The following UTRN variants were observed in gnomAD, a reference collection of about 807,000 sequenced individuals.
UTRN encodes the protein utrophin, also known as dystrophin-related protein 1.
A neutral mutation model predicts 463.9 loss-of-function variants in UTRN; 283 were observed. The ratio of observed to expected loss-of-function variants is 0.61; its 90% CI spans 0.55 to 0.67. The LOEUF is 0.67. UTRN is among the 30% of genes least tolerant of loss of function. The pLI is 0.00. For synonymous variants in UTRN, 1,442 were observed against 1,431.5 expected, an observed-to-expected ratio of 1.01 and a Z score of -0.17; for missense variants, 3,922 against 4,084.3, an observed-to-expected ratio of 0.96 and a Z score of 1.08.
At chr6:144,734,921 CG>C (rs1250797894) in intron 54 of UTRN, among the ~76,000 whole-genome samples, 1 of 152,164 alleles carries the variant, frequency 6.6e-6, no homozygotes, top group African/African-American at 2.4e-5. Context: ...TTGTCCCTTT[CG>C]TTCCACTCCC....
intron 51 of UTRN, 117 bp downstream of exon 51, chr6:144,577,405 T>G (rs1163632853): frequency 9.8e-7 from 1 of 1,021,114 alleles, no homozygotes; most frequent in Non-Finnish European, 1.4e-6. Flanking sequence ...TCTTATGAAA[T>G]CCGTGCTCTC....
At chr6:144,354,692 C>T (rs529733512) in intron 2 of UTRN, among the ~76,000 whole-genome samples, 5 of 152,092 alleles carry the variant, frequency 3.3e-5, no homozygotes, top group South Asian at 2.1e-4. Context: ...CTCCTATGGT[C>T]GGTCAAGGAC....
chr6:144,688,093 C>G (rs532223224), intron 52 of UTRN, among the ~76,000 whole-genome samples: 1 of 152,196 alleles, frequency 6.6e-6, no homozygotes, highest in South Asian at 2.1e-4. Context: ...ATTTGAAAGC[C>G]TTGTCTTTTG....
rs537351763 is a variant in UTRN at position 144,561,997 on chromosome 6, C to T, written c.7289+4686C>T. 5.9e-5 allele frequency among the ~76,000 whole-genome samples: 9 copies of T among 152,170 alleles called. No homozygotes were observed. In the South Asian group the frequency reaches 1.7e-3, roughly 28 times the overall value. On this transcript the variant is annotated intron_variant, in intron 50 of 74. Coordinates refer to ENST00000367545, the MANE Select transcript of UTRN (RefSeq NM_007124.3). ...AATTAATGATAAAATACTTCTTTGT[C>T]TGCTTTTCTGAGTGCAGTATAGATA...
chr6:144,322,942 C>CAA (rs554231419), intron 2 of UTRN, among the ~76,000 whole-genome samples: 70 of 86,528 alleles, frequency 8.1e-4, no homozygotes, highest in South Asian at 5.2e-3. Flanking sequence ...GACTCCGTCT[C>CAA]AAAAAAAAAA....
intron 45 of UTRN, among the ~76,000 whole-genome samples, chr6:144,541,215 A>G (rs1340586248): frequency 6.6e-6 from 1 of 152,226 alleles, no homozygotes; most frequent in African/African-American, 2.4e-5. Context: ...TTTTTGGCTT[A>G]TGAGGCTTCT....
chr6:144,471,103 G>T (rs1231176969), intron 23 of UTRN, among the ~76,000 whole-genome samples: 1 of 144,462 alleles, frequency 6.9e-6, no homozygotes, highest in Non-Finnish European at 1.5e-5. Flanking sequence ...AGAGGGAGAG[G>T]GAGAGGGATC....
intron 51 of UTRN, among the ~76,000 whole-genome samples, chr6:144,611,812 G>T (rs1343331570): frequency 1.3e-5 from 2 of 152,096 alleles, no homozygotes; most frequent in African/African-American, 4.8e-5. Context: ...CACAATCTTT[G>T]TTAAAATTCC....
intron 3 of UTRN, among the ~76,000 whole-genome samples, chr6:144,418,470 G>A (rs980128265): frequency 7.3e-5 from 11 of 151,354 alleles, no homozygotes; most frequent in Non-Finnish European, 1.5e-4. Flanking sequence ...TGGTCCGCCC[G>A]CCTCGGCCTC....
intron 1 of UTRN, among the ~76,000 whole-genome samples, chr6:144,290,527 C>T (rs756115079): frequency 9.9e-5 from 15 of 152,096 alleles, no homozygotes; most frequent in Non-Finnish European, 2.1e-4. Context: ...CATGATGCCC[C>T]ATGATTGGTT....
chr6:144,334,416 C>T (rs1287097176), intron 2 of UTRN, among the ~76,000 whole-genome samples: 1 of 151,066 alleles, frequency 6.6e-6, no homozygotes, highest in Non-Finnish European at 1.5e-5. Context: ...ATTTTAGCGC[C>T]CCCGGGAGTG....
chr6:144,471,815 A>G (rs984715992), intron 23 of UTRN, among the ~76,000 whole-genome samples: 4 of 152,256 alleles, frequency 2.6e-5, no homozygotes, highest in Non-Finnish European at 5.9e-5. Context: ...AACGAGATGC[A>G]GAAGTGCTTA....
chr6:144,635,528 TTCTTTTC>T (rs1413016395), intron 51 of UTRN, among the ~76,000 whole-genome samples: 89 of 75,462 alleles, frequency 1.2e-3, no homozygotes, highest in Non-Finnish European at 1.5e-3. Flanking sequence ...TTTTTTTTTT[TTCTTTTC>T]TTTTTTTTTT....
intron 2 of UTRN, among the ~76,000 whole-genome samples, chr6:144,343,819 G>A (rs767706915): frequency 1.3e-5 from 2 of 152,030 alleles, no homozygotes; most frequent in Non-Finnish European, 2.9e-5. Flanking sequence ...GTATACCCAG[G>A]GCAAACGCCT....
intron 46 of UTRN, among the ~76,000 whole-genome samples, chr6:144,548,009 CCAAT>C (rs1798561069): frequency 6.6e-6 from 1 of 152,048 alleles, no homozygotes. Context: ...TGTATCAAAA[CCAAT>C]CAATTTGGCA....
intron 9 of UTRN, among the ~76,000 whole-genome samples, chr6:144,430,878 T>C (rs1399527897): frequency 6.6e-6 from 1 of 152,134 alleles, no homozygotes; most frequent in Non-Finnish European, 1.5e-5. Flanking sequence ...TTGGGTAATA[T>C]GTACCCATCC....
chr6:144,675,622 C>A (rs1246862876), intron 51 of UTRN, among the ~76,000 whole-genome samples: 1 of 152,140 alleles, frequency 6.6e-6, no homozygotes, highest in African/African-American at 2.4e-5. Context: ...AGAGCACCAG[C>A]TGCAGTAGTA....
At chr6:144,775,234 T>C (rs1482335176) in intron 60 of UTRN, among the ~76,000 whole-genome samples, 3 of 152,164 alleles carry the variant, frequency 2.0e-5, no homozygotes, top group African/African-American at 7.2e-5. Context: ...TGAAAGTCAA[T>C]AGAAGTTAGC....
At chr6:144,756,370 T>A (rs1254243663) in intron 57 of UTRN, among the ~76,000 whole-genome samples, 2 of 152,192 alleles carry the variant, frequency 1.3e-5, no homozygotes, top group South Asian at 4.1e-4. Flanking sequence ...AAGTGAAATA[T>A]TGTGAAATTT....
Sources: gnomAD v4.1 joint callset for allele counts (sites outside exome capture counted in the v4.1 genomes callset) on GRCh38, gnomAD v4.1.1 for gene constraint, MANE v1.5 for transcripts, NCBI Gene and HGNC (gene_info 2026-07-23, HGNC 2026-07-21) for gene names.